The following TADA2A variants were observed in gnomAD, a reference collection of about 807,000 sequenced individuals.
TADA2A encodes the protein transcriptional adaptor 2A, also known as transcriptional adapter 2-alpha.
In TADA2A, 38 loss-of-function variants were observed where a neutral mutation model predicts 67.4. That is an observed-to-expected ratio of 0.56 (90% confidence interval 0.44 to 0.74). TADA2A has a LOEUF of 0.74. Among genes scored for constraint, TADA2A ranks in the 30% least tolerant of loss-of-function variants. The pLI is 0.00. For missense variants in TADA2A, 454 were observed against 547.0 expected, an observed-to-expected ratio of 0.83 and a Z score of 1.70; for synonymous variants, 192 against 181.6, an observed-to-expected ratio of 1.06 and a Z score of -0.46.
At chr17:37,416,211 C>T (rs1387997469) in intron 2 of TADA2A, among the ~76,000 whole-genome samples, 4 of 151,062 alleles carry the variant, frequency 2.6e-5, no homozygotes, top group South Asian at 2.1e-4. Flanking sequence ...CTCTGTCTCC[C>T]GGGTTCAAGC....
intron 5 of TADA2A, among the ~76,000 whole-genome samples, chr17:37,438,388 C>CT (rs935849949): frequency 6.6e-6 from 1 of 152,184 alleles, no homozygotes; most frequent in Non-Finnish European, 1.5e-5. Flanking sequence ...TTTGGGAACA[C>CT]TTTCATATGG....
chr17:37,432,543 T>G (rs1270937375), intron 4 of TADA2A, among the ~76,000 whole-genome samples: 1 of 152,214 alleles, frequency 6.6e-6, no homozygotes, highest in Non-Finnish European at 1.5e-5. Context: ...TTCTTTTAAT[T>G]ACTGAGTAAT....
intron 1 of TADA2A, among the ~76,000 whole-genome samples, chr17:37,410,624 T>TA (rs1417751723): frequency 6.6e-6 from 1 of 152,162 alleles, no homozygotes; most frequent in African/African-American, 2.4e-5. Context: ...AGAGAAGAGT[T>TA]AAACAGTTGA....
chr17:37,464,976 G>A (rs2053631764), intron 10 of TADA2A, among the ~76,000 whole-genome samples: 3 of 151,922 alleles, frequency 2.0e-5, no homozygotes, highest in East Asian at 1.9e-4. Flanking sequence ...GTGAAATTCC[G>A]TCTCTACTAA....
chr17:37,444,947 T>G (rs1269713898), intron 8 of TADA2A, among the ~76,000 whole-genome samples, 179 bp downstream of exon 8: 1 of 152,154 alleles, frequency 6.6e-6, no homozygotes, highest in East Asian at 1.9e-4. Flanking sequence ...GAATAAGACT[T>G]GTGATGAGGG....
chr17:37,437,036 C>T (rs991034669), intron 4 of TADA2A, among the ~76,000 whole-genome samples: 5 of 151,388 alleles, frequency 3.3e-5, no homozygotes, highest in Admixed American at 1.3e-4. Flanking sequence ...TCTCATCATT[C>T]GGCTGTAAAC....
intron 2 of TADA2A, among the ~76,000 whole-genome samples, chr17:37,421,807 TTTCTC>T (rs942055971): frequency 4.7e-5 from 7 of 147,584 alleles, no homozygotes; most frequent in African/African-American, 1.7e-4. Context: ...AAAAAGGAGT[TTTCTC>T]TTATTTGCCC....
chr17:37,410,434 C>T (rs932513043), intron 1 of TADA2A, among the ~76,000 whole-genome samples: 6 of 151,886 alleles, frequency 4.0e-5, no homozygotes, highest in Admixed American at 1.3e-4. Flanking sequence ...CGTCAGCCTC[C>T]CAGAGTGCTG....
chr17:37,428,562 T>C (rs77288748), intron 4 of TADA2A, among the ~76,000 whole-genome samples: 1,582 of 152,274 alleles, frequency 0.01, 38 homozygotes, highest in African/African-American at 0.036. Flanking sequence ...CTGTGCTGAA[T>C]CTTTATGAGT....
At chr17:37,429,771 T>TA (rs1285389843) in intron 4 of TADA2A, among the ~76,000 whole-genome samples, 2 of 151,880 alleles carry the variant, frequency 1.3e-5, no homozygotes, top group Non-Finnish European at 2.9e-5. Flanking sequence ...AAGAACCAGT[T>TA]AGAGTTCTTG....
At chr17:37,442,098 G>T (rs1040465170) in intron 6 of TADA2A, among the ~76,000 whole-genome samples, 2 of 152,052 alleles carry the variant, frequency 1.3e-5, no homozygotes, top group African/African-American at 4.8e-5. Context: ...GAAGACCGAT[G>T]CAGACAGGTT....
Position 37,440,561 on chromosome 17 carries a change from A to C in TADA2A, c.341A>C (p.Tyr114Ser). 2 of 1,614,160 alleles carry C rather than the reference A, an allele frequency of 1.2e-6. No homozygotes were observed. The highest frequency in any genetic ancestry group is 1.7e-6 in the Non-Finnish European group (2 of 1,180,006). Residue 114 changes from tyrosine to serine, a missense_variant, in exon 6 of 16, where the codon TAT (tyrosine) becomes TCT (serine). This residue lies in a region of TADA2A where 403 missense variants were observed against 455.5 expected (regional missense o/e 0.88). Coordinates refer to ENST00000615182, the MANE Select transcript of TADA2A (RefSeq NM_001166105.3). ...ACCAAGGAGGAGTGTGAGAAGCACT[A>C]TATGAAGCATTTCATCAATAACCCT... ...TKTKEECEKH[Y>S]MKHFINNPLF...
At chr17:37,472,200 G>C (rs994557264) in intron 14 of TADA2A, among the ~76,000 whole-genome samples, 5 of 152,012 alleles carry the variant, frequency 3.3e-5, no homozygotes, top group African/African-American at 1.2e-4. Flanking sequence ...CAAGTAGCTG[G>C]GATTAGAGGC....
At chr17:37,441,475 T>A (rs944522978) in intron 6 of TADA2A, among the ~76,000 whole-genome samples, 15 of 152,158 alleles carry the variant, frequency 9.9e-5, no homozygotes, top group African/African-American at 2.9e-4. Flanking sequence ...TTTAATCTCA[T>A]GTGCGTGTGG....
chr17:37,445,202 T>C (rs532851641), intron 8 of TADA2A, among the ~76,000 whole-genome samples: 139 of 152,302 alleles, frequency 9.1e-4, no homozygotes, highest in African/African-American at 3.2e-3. Flanking sequence ...CTCAAGAGTT[T>C]TTAGGCCCAA....
chr17:37,434,604 T>C (rs1180566663), intron 4 of TADA2A, among the ~76,000 whole-genome samples: 1 of 152,220 alleles, frequency 6.6e-6, no homozygotes, highest in Admixed American at 6.5e-5. Flanking sequence ...TTCAGATTCA[T>C]TTAGGACCAT....
intron 6 of TADA2A, among the ~76,000 whole-genome samples, chr17:37,441,569 A>G (rs2052917916): frequency 6.6e-6 from 1 of 152,186 alleles, no homozygotes; most frequent in African/African-American, 2.4e-5. Context: ...CTCAGGGTAC[A>G]AGTAATGAGA....
chr17:37,438,457 AT>A, intron 5 of TADA2A, among the ~76,000 whole-genome samples: 1 of 152,344 alleles, frequency 6.6e-6, no homozygotes, highest in South Asian at 2.1e-4. Flanking sequence ...TTGTTCACAA[AT>A]TATCTGAAGC....
intron 2 of TADA2A, among the ~76,000 whole-genome samples, chr17:37,415,359 A>G (rs1012187926): frequency 1.6e-4 from 25 of 152,124 alleles, no homozygotes; most frequent in Admixed American, 5.2e-4. Flanking sequence ...GTTGCATAAT[A>G]CTTCATTGTG....
Sources: allele counts gnomAD v4.1 joint callset (sites outside exome capture counted in the v4.1 genomes callset), GRCh38; gene constraint gnomAD v4.1.1; regional missense constraint gnomAD v4.1.1; transcripts MANE v1.5; gene names NCBI Gene and HGNC (gene_info 2026-07-23, HGNC 2026-07-21).